The following WSCD2 variants were observed in gnomAD, a reference collection of about 807,000 sequenced individuals.
WSCD2 encodes WSC domain sialate O sulfotransferase 2.
In WSCD2, 28 loss-of-function variants were observed where a neutral mutation model predicts 55.7. The observed-to-expected ratio is 0.50, with a 90% CI of 0.37 to 0.69. The LOEUF (loss-of-function observed/expected upper bound fraction) is 0.69. Ranked by LOEUF, WSCD2 falls within the 30% of genes least tolerant of loss-of-function variation. WSCD2 has a pLI of 0.00. For synonymous variants in WSCD2, 301 were observed against 301.9 expected, an observed-to-expected ratio of 1.00 and a Z score of 0.03; for missense variants, 616 against 762.1, an observed-to-expected ratio of 0.81 and a Z score of 2.26.
intron 1 of WSCD2, among the ~76,000 whole-genome samples, chr12:108,188,856 T>C (rs1228956916): frequency 6.6e-6 from 1 of 152,176 alleles, no homozygotes; most frequent in Non-Finnish European, 1.5e-5. Context: ...TGAGGCTCAG[T>C]TTTGCACTTG....
chr12:108,236,437 A>AC (rs1394087733), intron 7 of WSCD2, among the ~76,000 whole-genome samples: 1 of 151,886 alleles, frequency 6.6e-6, no homozygotes, highest in Non-Finnish European at 1.5e-5. Flanking sequence ...AAATGTAGGG[A>AC]CCTCTCCCTC....
chr12:108,214,057 G>T (rs1886541454), intron 4 of WSCD2, among the ~76,000 whole-genome samples: 1 of 152,212 alleles, frequency 6.6e-6, no homozygotes, highest in East Asian at 1.9e-4. Flanking sequence ...AGAAAGGGAT[G>T]CCTTCCAAGT....
chr12:108,236,678 T>C (rs1889296368), intron 7 of WSCD2, among the ~76,000 whole-genome samples: 1 of 152,080 alleles, frequency 6.6e-6, no homozygotes, highest in Non-Finnish European at 1.5e-5. Context: ...TCTTTGTGTC[T>C]CTCTCTGTTC....
chr12:108,229,101 A>G (rs1037555115), intron 6 of WSCD2, among the ~76,000 whole-genome samples: 2 of 151,968 alleles, frequency 1.3e-5, no homozygotes, highest in Non-Finnish European at 2.9e-5. Context: ...TAGGGCTTCC[A>G]TTTTGCCACG....
At chr12:108,130,848 T>TA (rs1300428843) in intron 1 of WSCD2, among the ~76,000 whole-genome samples, 10 of 152,100 alleles carry the variant, frequency 6.6e-5, no homozygotes, top group Non-Finnish European at 1.3e-4. Context: ...TCTAGGCCCC[T>TA]AGAGGCTCTG....
At chr12:108,162,164 C>T (rs191387770) in intron 1 of WSCD2, among the ~76,000 whole-genome samples, 6 of 152,316 alleles carry the variant, frequency 3.9e-5, no homozygotes, top group South Asian at 2.1e-4. Context: ...AAAGGAAGGA[C>T]GGCAGAGGGA....
At position 108,227,176 on chromosome 12, in the gene WSCD2, C is replaced by G; in HGVS notation, c.979+12C>G. On this transcript the variant is annotated intron_variant, in intron 6 of 8. Coordinates refer to ENST00000547525, the MANE Select transcript of WSCD2 (RefSeq NM_014653.4). The stretch of plus-strand genomic sequence containing the variant: ...GACACAAGTCCAAGGTGAGCTAGGC[C>G]CTTCCCCAGTGGACCCCAGATGCAC... The G allele has an allele frequency of 6.2e-7, 1 of 1,608,506 alleles. No homozygotes were observed. The highest frequency in any genetic ancestry group is 1.1e-5 in the South Asian group (1 of 89,876).
rs57711796 is a variant in WSCD2 at position 108,207,756 on chromosome 12, C to A, written c.497+1353C>A. ...TGCCTAGGGAGCCCACTATTAAAAT[C>A]CTGAGCCCAGGACCCTCTCCAATTT... On this transcript the variant is annotated intron_variant, in intron 3 of 8. Transcript: ENST00000547525. Among the ~76,000 whole-genome samples, 14 of 152,054 alleles carry A rather than the reference C, an allele frequency of 9.2e-5. No homozygotes were observed. The East Asian group carries it at 2.1e-3, about 23-fold the overall frequency.
chr12:108,171,627 A>AT (rs1250948861), intron 1 of WSCD2: 3 of 152,200 alleles, frequency 2.0e-5, no homozygotes, highest in Admixed American at 6.5e-5. Flanking sequence ...CTTCTAGAAG[A>AT]TTTTAAGTTA....
At chr12:108,213,542 C>A (rs368082353) in intron 4 of WSCD2, among the ~76,000 whole-genome samples, 2 of 152,132 alleles carry the variant, frequency 1.3e-5, no homozygotes, top group African/African-American at 4.8e-5. Flanking sequence ...CTGGGGGAGG[C>A]TCCACAAAGA....
chr12:108,234,970 A>T (rs1889136111), intron 7 of WSCD2, among the ~76,000 whole-genome samples: 1 of 152,210 alleles, frequency 6.6e-6, no homozygotes, highest in Non-Finnish European at 1.5e-5. Context: ...TTGAAAGTAG[A>T]GAATGGGGAA....
rs569872825 is a variant in WSCD2, at chr12:108,184,277, G to C, written c.-551-11005G>C. Among the ~76,000 whole-genome samples, 37 of 152,284 alleles carry C rather than the reference G, an allele frequency of 2.4e-4. 1 individual carries two copies. The highest frequency in any genetic ancestry group is 1.9e-3 in the Admixed American group (29 of 15,306). ...GGGGAAGAGAATTTGAACCTGTAGA[G>C]GTGGGCTGGGGAGCACAGAGACCAC... On this transcript the variant is annotated intron_variant, in intron 1 of 8. Transcript: ENST00000547525.
At chr12:108,158,211 T>C (rs1005074648) in intron 1 of WSCD2, among the ~76,000 whole-genome samples, 2 of 152,164 alleles carry the variant, frequency 1.3e-5, no homozygotes, top group African/African-American at 4.8e-5. Flanking sequence ...TTCTGGAGCA[T>C]GTCAGAGAAC....
At chr12:108,221,410 G>A (rs1463554630) in intron 4 of WSCD2, among the ~76,000 whole-genome samples, 2 of 152,108 alleles carry the variant, frequency 1.3e-5, no homozygotes, top group Admixed American at 6.5e-5. Flanking sequence ...CAAAAATTGA[G>A]CTGGGTGTGG....
chr12:108,132,394 A>T (rs886870579), intron 1 of WSCD2, among the ~76,000 whole-genome samples: 3 of 151,780 alleles, frequency 2.0e-5, no homozygotes, highest in Non-Finnish European at 4.4e-5. Flanking sequence ...GTGTGGGCTC[A>T]TGTGCTTGTG....
intron 1 of WSCD2, among the ~76,000 whole-genome samples, chr12:108,146,297 G>C (rs1028570516): frequency 6.6e-6 from 1 of 152,222 alleles, no homozygotes; most frequent in African/African-American, 2.4e-5. Context: ...CTGAAATCCT[G>C]TTTTAAGCCA....
chr12:108,231,180 T>G (rs934010742), intron 6 of WSCD2, among the ~76,000 whole-genome samples: 2 of 150,730 alleles, frequency 1.3e-5, no homozygotes, highest in Non-Finnish European at 3.0e-5. Context: ...GTGAGGGAGG[T>G]TTGCCTGCCT....
At chr12:108,145,873 G>A (rs1877331535) in intron 1 of WSCD2, among the ~76,000 whole-genome samples, 1 of 152,066 alleles carries the variant, frequency 6.6e-6, no homozygotes, top group Non-Finnish European at 1.5e-5. Flanking sequence ...GCTACAAAAG[G>A]GCACATACTA....
chr12:108,177,941 T>C (rs995418177), intron 1 of WSCD2, among the ~76,000 whole-genome samples: 3 of 152,014 alleles, frequency 2.0e-5, no homozygotes, highest in Non-Finnish European at 2.9e-5. Context: ...GTGAAATTCC[T>C]GCGCACTTGT....
Sources: gnomAD v4.1 joint callset for allele counts (sites outside exome capture counted in the v4.1 genomes callset) on GRCh38, gnomAD v4.1.1 for gene constraint, MANE v1.5 for transcripts, NCBI Gene and HGNC (gene_info 2026-07-23, HGNC 2026-07-21) for gene names.